The following TNS3 variants were observed in gnomAD, a reference collection of about 807,000 sequenced individuals.
TNS3 encodes the protein tensin-3.
Under a neutral mutation model 140.9 loss-of-function variants are expected in TNS3, and 45 were observed. The ratio of observed to expected loss-of-function variants is 0.32; its 90% confidence interval spans 0.25 to 0.41. TNS3 has a LOEUF of 0.41. Among genes scored for constraint, TNS3 ranks in the 10% least tolerant of loss-of-function variants. The pLI is 1.00. For missense variants in TNS3, 1,716 were observed against 1,906.7 expected, an observed-to-expected ratio of 0.90 and a Z score of 1.86; for synonymous variants, 815 against 788.4, an observed-to-expected ratio of 1.03 and a Z score of -0.56.
At chr7:47,457,239 G>A (rs1372568049) in intron 4 of TNS3, among the ~76,000 whole-genome samples, 3 of 151,302 alleles carry the variant, frequency 2.0e-5, no homozygotes. Context: ...TTCCTGTGGC[G>A]TAAATACTGC....
At chr7:47,444,980 G>A (rs1795655658) in intron 4 of TNS3, among the ~76,000 whole-genome samples, 1 of 152,154 alleles carries the variant, frequency 6.6e-6, no homozygotes, top group Non-Finnish European at 1.5e-5. Flanking sequence ...TTCCTGTAAA[G>A]TGTCCCAGCA....
chr7:47,400,747 C>T (rs763514877), intron 14 of TNS3, 38 bp downstream of exon 14: 1 of 1,606,852 alleles, frequency 6.2e-7, no homozygotes, highest in South Asian at 1.1e-5. Flanking sequence ...TCAACCGCAG[C>T]TGCCCACAAG....
At chr7:47,423,039 T>C (rs771622305) in intron 10 of TNS3, among the ~76,000 whole-genome samples, 101 of 152,294 alleles carry the variant, frequency 6.6e-4, no homozygotes, top group Middle Eastern at 3.4e-3. Flanking sequence ...AACAGAGCCA[T>C]GCCATTGGAA....
intron 1 of TNS3, among the ~76,000 whole-genome samples, chr7:47,555,009 A>G (rs142923918): frequency 0.038 from 5,748 of 151,516 alleles, 330 homozygotes; most frequent in African/African-American, 0.13. Context: ...GCCTGGCAAC[A>G]GAGCGAGACT....
At position 47,316,145 on chromosome 7, in the gene TNS3, T is replaced by TCTCC; in HGVS notation, c.2651-11143_2651-11142insGGAG. ...CTCTCTCTCTCTCTCTCTCTCTCTCTCCATTCTTTCCTCCCTCCTAGTCAC... is the reference window on the plus strand; with the variant it reads ...CTCTCTCTCTCTCTCTCTCTCTCTCTCTCCCCATTCTTTCCTCCCTCCTAGTCAC... On this transcript the variant is annotated intron_variant, in intron 20 of 30. Transcript: ENST00000311160. 2.1e-5 allele frequency among the ~76,000 whole-genome samples: 3 copies of TCTCC among 140,164 alleles called. No individual in the cohort carries two copies. In the East Asian group the frequency reaches 6.5e-4, roughly 30 times the overall value. 92.0% of individuals were successfully genotyped at this position (140,164 alleles called of 152,430 possible).
At chr7:47,359,291 C>T (rs1790182111) in intron 17 of TNS3, among the ~76,000 whole-genome samples, 2 of 152,176 alleles carry the variant, frequency 1.3e-5, no homozygotes, top group Non-Finnish European at 2.9e-5. Flanking sequence ...GAGCCAGCCA[C>T]AAAAAGCACA....
intron 16 of TNS3, among the ~76,000 whole-genome samples, chr7:47,373,879 C>A (rs1047248934): frequency 5.3e-5 from 8 of 152,198 alleles, no homozygotes; most frequent in Non-Finnish European, 1.0e-4. Flanking sequence ...AAACGAAGAA[C>A]AATCACCAAC....
Position 47,411,756 on chromosome 7 carries a change from G to C in TNS3, c.694C>G (p.Pro232Ala), listed in dbSNP as rs1389343003. 1.9e-6 allele frequency: 3 copies of C among 1,612,930 alleles called. No individual in the cohort carries two copies. Among genetic ancestry groups the C allele is most frequent in the Non-Finnish European group, 2.5e-6 (3 of 1,179,514 alleles). ...ACATCTCCCTTCAGAAGCTGGGCCG[G>C]CTCGATGACGATGCAGATCCTGCTG... ...NPSRICIVIE[P>A]AQLLKGDVMV... The change falls in exon 13 of 31, where the codon CCG becomes GCG. Residue 232 changes from proline (P) to alanine (A), a missense_variant. Physicochemically the swap from Pro to Ala is conservative, Grantham distance 27. Around this residue, in one of 3 missense-constraint regions of TNS3, gnomAD observed 337 missense variants for 428.9 expected, o/e 0.79. Transcript: ENST00000311160.
intron 17 of TNS3, among the ~76,000 whole-genome samples, chr7:47,352,698 C>T (rs73109056): frequency 0.019 from 2,921 of 152,288 alleles, 45 homozygotes; most frequent in Non-Finnish European, 0.026. Context: ...TGGCTCCCTT[C>T]CAGGGGCAGA....
intron 1 of TNS3, among the ~76,000 whole-genome samples, chr7:47,564,019 C>T (rs1373553060): frequency 1.4e-5 from 2 of 140,176 alleles, no homozygotes; most frequent in South Asian, 2.4e-4. Flanking sequence ...CAGTGAAACC[C>T]CGTCTCTACT....
chr7:47,430,998 C>G (rs1006345716), intron 8 of TNS3, among the ~76,000 whole-genome samples: 2 of 152,126 alleles, frequency 1.3e-5, no homozygotes, highest in Non-Finnish European at 2.9e-5. Context: ...GCTGGGATCA[C>G]AGGCATGAGC....
At chr7:47,324,511 G>C (rs915297124) in intron 20 of TNS3, among the ~76,000 whole-genome samples, 6 of 152,216 alleles carry the variant, frequency 3.9e-5, no homozygotes, top group African/African-American at 1.4e-4. Flanking sequence ...CAGCACTTTA[G>C]GAGGCGGAGG....
At chr7:47,286,763 T>C (rs904745404) in intron 27 of TNS3, among the ~76,000 whole-genome samples, 1 of 152,134 alleles carries the variant, frequency 6.6e-6, no homozygotes, top group Non-Finnish European at 1.5e-5. Flanking sequence ...ACATGGTAAA[T>C]GAACATCCAT....
intron 20 of TNS3, among the ~76,000 whole-genome samples, chr7:47,326,595 T>G (rs957734011): frequency 6.6e-6 from 1 of 152,006 alleles, no homozygotes; most frequent in Non-Finnish European, 1.5e-5. Context: ...CGGGCCACCA[T>G]GGCTACAGGT....
chr7:47,277,816 G>C lies in TNS3; in HGVS notation c.*260C>G. ...TTTCCCATGGGGACCCTAGGGGGTG[G>C]GGTGCACCCATGCCCAGCTTCTTCT... On this transcript the variant is annotated 3_prime_UTR_variant, in exon 31 of 31. Coordinates refer to ENST00000311160, the MANE Select transcript of TNS3 (RefSeq NM_022748.12). The C allele has an allele frequency of 1.8e-6, 1 of 543,682 alleles. No homozygotes were observed. Among genetic ancestry groups the C allele is most frequent in the Non-Finnish European group, 3.4e-6 (1 of 297,062 alleles). The allele number at this position is 543,682 out of a possible 1,614,324, so 33.7% of individuals were successfully genotyped here. A position where few individuals can be genotyped will look rare whatever the true frequency, so the allele number is the denominator to read the frequency against.
chr7:47,557,140 T>C (rs1329865748), intron 1 of TNS3: 2 of 456,830 alleles, frequency 4.4e-6, no homozygotes, highest in African/African-American at 2.0e-5. Flanking sequence ...CAGATCCACC[T>C]TGGACAAGTC....
intron 4 of TNS3, among the ~76,000 whole-genome samples, chr7:47,447,509 C>T (rs947776787): frequency 6.6e-6 from 1 of 152,134 alleles, no homozygotes; most frequent in African/African-American, 2.4e-5. Flanking sequence ...GTCCTCCACT[C>T]GCCTAGGCCT....
chr7:47,324,271 T>C (rs1016195012), intron 20 of TNS3, among the ~76,000 whole-genome samples: 2 of 152,254 alleles, frequency 1.3e-5, no homozygotes, highest in Admixed American at 6.5e-5. Flanking sequence ...TACTGGCTAC[T>C]GAGAATTTTT....
chr7:47,379,113 C>T (rs1191194534), intron 16 of TNS3, among the ~76,000 whole-genome samples: 1 of 152,152 alleles, frequency 6.6e-6, no homozygotes, highest in African/African-American at 2.4e-5. Flanking sequence ...AACAATGAAG[C>T]AAGGGGCATT....
Sources: gnomAD v4.1 joint callset for allele counts (sites outside exome capture counted in the v4.1 genomes callset) on GRCh38, gnomAD v4.1.1 for gene constraint, gnomAD v4.1.1 regional missense constraint, MANE v1.5 for transcripts, NCBI Gene and HGNC (gene_info 2026-07-23, HGNC 2026-07-21) for gene names.